PCSK6: variants seen among roughly 807,000 people sequenced by gnomAD.
PCSK6 encodes paired basic amino acid cleaving enzyme 4.
Under a neutral mutation model 123.3 loss-of-function variants are expected in PCSK6, and 85 were observed. The ratio of observed to expected loss-of-function variants is 0.69; its 90% CI spans 0.58 to 0.83. The LOEUF (loss-of-function observed/expected upper bound fraction) is 0.83, where lower values mean the gene tolerates loss of function less well. Among genes scored for constraint, PCSK6 ranks in the 40% least tolerant of loss-of-function variants. The pLI is 0.00. For missense variants in PCSK6, 1,191 were observed against 1,282.3 expected, an observed-to-expected ratio of 0.93 and a Z score of 1.09; for synonymous variants, 508 against 516.0, an observed-to-expected ratio of 0.98 and a Z score of 0.21.
intron 13 of PCSK6, 21 bp downstream of exon 13, chr15:101,366,174 GA>G (rs1567167877): frequency 6.2e-7 from 1 of 1,602,518 alleles, no homozygotes; most frequent in Admixed American, 1.7e-5. Flanking sequence ...AAGCTGTCAT[GA>G]GATTCCCAAG....
chr15:101,307,770 G>A (rs1257395816), intron 20 of PCSK6: 2 of 174,942 alleles, frequency 1.1e-5, no homozygotes, highest in Admixed American at 1.2e-4. Flanking sequence ...CACCTGACTC[G>A]AGCTGACCAG....
intron 1 of PCSK6, among the ~76,000 whole-genome samples, chr15:101,444,559 C>T (rs28655107): frequency 6.6e-6 from 1 of 152,278 alleles, no homozygotes; most frequent in Admixed American, 6.5e-5. Flanking sequence ...TGGTCCTCTA[C>T]AGCAGTTCTA....
chr15:101,430,294 C>A (rs1467263588), intron 4 of PCSK6, among the ~76,000 whole-genome samples: 2 of 151,994 alleles, frequency 1.3e-5, no homozygotes, highest in Admixed American at 1.3e-4. Flanking sequence ...GTGCTTGAGG[C>A]CATCGCTGCT....
chr15:101,320,131 G>T (rs1420989034), intron 18 of PCSK6, among the ~76,000 whole-genome samples: 1 of 151,642 alleles, frequency 6.6e-6, no homozygotes, highest in Non-Finnish European at 1.5e-5. Flanking sequence ...TGTCACCCAG[G>T]TGGGAGTGCA....
rs761299819 is a variant in PCSK6, at chr15:101,398,451, C to T, written c.949G>A (p.Gly317Arg). ...GPDDDGKTVDGPGRLAKQAFE... is the reference protein window; with the variant it reads ...GPDDDGKTVDRPGRLAKQAFE... ...GCCTGCTTAGCCAGTCGGCCGGGCC[C>T]GTCCACCGTCTTGCCGTCGTCGTCC... The change falls in exon 7 of 22, where the codon GGG becomes AGG. Residue 317 changes from glycine to arginine, a missense_variant. Gly to Arg is a moderately radical substitution (Grantham distance 125, BLOSUM62 -2). This residue lies in a region of PCSK6 where 357 missense variants were observed against 484.5 expected (regional missense o/e 0.74). Transcript: ENST00000611716. The surrounding 1 kb of genome is among the most constrained non-coding windows in gnomAD (Gnocchi z 4.6). 6.8e-6 allele frequency: 11 copies of T among 1,613,766 alleles called. No homozygotes were observed. Among genetic ancestry groups the T allele is most frequent in the Non-Finnish European group, 9.3e-6 (11 of 1,179,708 alleles).
intron 7 of PCSK6, among the ~76,000 whole-genome samples, chr15:101,397,813 C>T (rs1055690559): frequency 3.3e-5 from 5 of 152,352 alleles, no homozygotes; most frequent in African/African-American, 9.6e-5. Flanking sequence ...CGGGTGGCCT[C>T]GCAGGAGCCT....
At chr15:101,485,422 T>G (rs2057997792) in intron 1 of PCSK6, among the ~76,000 whole-genome samples, 1 of 152,252 alleles carries the variant, frequency 6.6e-6, no homozygotes, top group African/African-American at 2.4e-5. Flanking sequence ...TACATAGAAT[T>G]TTTATCTTAA....
intron 9 of PCSK6, among the ~76,000 whole-genome samples, chr15:101,386,115 C>T (rs926607901): frequency 6.6e-6 from 1 of 152,018 alleles, no homozygotes; most frequent in African/African-American, 2.4e-5. Flanking sequence ...TTACTAGGAA[C>T]GCACACCGTG....
chr15:101,374,094 T>G (rs552230385), intron 11 of PCSK6, among the ~76,000 whole-genome samples: 2 of 152,298 alleles, frequency 1.3e-5, no homozygotes, highest in East Asian at 3.9e-4. Flanking sequence ...GGAAAAGATC[T>G]CTAATGACAG....
intron 6 of PCSK6, among the ~76,000 whole-genome samples, chr15:101,408,904 T>G (rs144930851): frequency 6.6e-6 from 1 of 152,228 alleles, no homozygotes; most frequent in Non-Finnish European, 1.5e-5. Flanking sequence ...AGGAAAAACA[T>G]GATTCAGTTC....
chr15:101,411,344 G>A (rs1596307055), intron 6 of PCSK6, among the ~76,000 whole-genome samples: 1 of 152,166 alleles, frequency 6.6e-6, no homozygotes, highest in African/African-American at 2.4e-5. Flanking sequence ...TGAGGCTGGT[G>A]CAGTGAGACA....
chr15:101,420,190 C>CA (rs369741613), intron 6 of PCSK6, among the ~76,000 whole-genome samples: 3,573 of 84,226 alleles, frequency 0.042, 135 homozygotes, highest in East Asian at 0.09. Context: ...GATTCTGTCT[C>CA]AAAAAAAAAA....
At chr15:101,405,100 A>C (rs941563965) in intron 6 of PCSK6, among the ~76,000 whole-genome samples, 2 of 152,214 alleles carry the variant, frequency 1.3e-5, no homozygotes, top group African/African-American at 2.4e-5. Flanking sequence ...AGTTGCCAAC[A>C]AAGAAAAGGT....
intron 13 of PCSK6, among the ~76,000 whole-genome samples, chr15:101,340,281 C>T (rs1170122062): frequency 6.6e-6 from 1 of 152,094 alleles, no homozygotes; most frequent in Non-Finnish European, 1.5e-5. Context: ...AGGGGAGATA[C>T]AAGGCTTCCC....
At chr15:101,469,249 C>T (rs1397865670) in intron 1 of PCSK6, among the ~76,000 whole-genome samples, 2 of 152,146 alleles carry the variant, frequency 1.3e-5, no homozygotes, top group Non-Finnish European at 2.9e-5. Context: ...CCAAGTGATG[C>T]CCAGAGCAAG....
chr15:101,342,556 T>G (rs1482667251), intron 13 of PCSK6, among the ~76,000 whole-genome samples: 1 of 152,252 alleles, frequency 6.6e-6, no homozygotes, highest in Non-Finnish European at 1.5e-5. Flanking sequence ...TGAGTGAGAT[T>G]GGCTGAAAAT....
At chr15:101,406,650 C>G (rs973921413) in intron 6 of PCSK6, among the ~76,000 whole-genome samples, 1 of 152,158 alleles carries the variant, frequency 6.6e-6, no homozygotes, top group Non-Finnish European at 1.5e-5. Context: ...ACAATAGACA[C>G]GGCTTTCAAA....
At chr15:101,371,662 C>G (rs536269097) in intron 11 of PCSK6, among the ~76,000 whole-genome samples, 1 of 152,094 alleles carries the variant, frequency 6.6e-6, no homozygotes, top group East Asian at 1.9e-4. Context: ...GTAGCTAATG[C>G]GGGGAGGAGC....
intron 1 of PCSK6, among the ~76,000 whole-genome samples, chr15:101,481,429 G>A (rs1471218797): frequency 1.3e-5 from 2 of 151,928 alleles, no homozygotes; most frequent in East Asian, 3.9e-4. Flanking sequence ...GACAGGTAAA[G>A]CCGTTCTGGG....
Sources: gnomAD v4.1 joint callset for allele counts (sites outside exome capture counted in the v4.1 genomes callset) on GRCh38, gnomAD v4.1.1 for gene constraint, gnomAD v4.1.1 regional missense constraint, Gnocchi (gnomAD v3.1) non-coding constraint, MANE v1.5 for transcripts, NCBI Gene and HGNC (gene_info 2026-07-23, HGNC 2026-07-21) for gene names.